Variants in SLC4A10 observed in about 807,000 individuals in gnomAD.
The protein encoded by SLC4A10 is sodium-driven chloride bicarbonate exchanger.
A neutral mutation model predicts 137.7 loss-of-function variants in SLC4A10; 42 were observed. The observed-to-expected ratio is 0.30, with a 90% CI of 0.24 to 0.39. The LOEUF is 0.39. Ranked by LOEUF, SLC4A10 falls within the 10% of genes least tolerant of loss-of-function variation. The pLI is 1.00. For missense variants in SLC4A10, 925 were observed against 1,355.0 expected (o/e 0.68, Z 4.98); for synonymous variants, 474 against 464.1 (o/e 1.02, Z -0.27).
At chr2:161,958,422 A>T in intron 20 of SLC4A10, 65 bp from the exon 21 acceptor site, 4 of 1,388,340 alleles carry the variant, frequency 2.9e-6, no homozygotes, top group Admixed American at 3.7e-5. Context: ...TTTTTCTTTG[A>T]TAAATGCAAA....
intron 10 of SLC4A10, among the ~76,000 whole-genome samples, chr2:161,890,033 A>C (rs2126015706): frequency 6.6e-6 from 1 of 152,164 alleles, no homozygotes; most frequent in South Asian, 2.1e-4. Context: ...TTCTGCTTTA[A>C]TTTCGTTATT....
intron 1 of SLC4A10, among the ~76,000 whole-genome samples, chr2:161,645,144 A>G (rs1034088355): frequency 1.3e-5 from 2 of 152,142 alleles, no homozygotes; most frequent in African/African-American, 4.8e-5. Context: ...AAGGAAATAG[A>G]AAAAAGTGTG....
chr2:161,722,468 G>A (rs908416013), intron 1 of SLC4A10, among the ~76,000 whole-genome samples: 11 of 152,204 alleles, frequency 7.2e-5, no homozygotes, highest in Admixed American at 4.6e-4. Flanking sequence ...TGGTTTGCTG[G>A]GGGTCCTCTC....
intron 3 of SLC4A10, among the ~76,000 whole-genome samples, chr2:161,808,988 A>T (rs970792071): frequency 2.0e-5 from 3 of 152,176 alleles, no homozygotes; most frequent in Non-Finnish European, 4.4e-5. Context: ...ATAAATCTCC[A>T]AACTGCTTTC....
intron 3 of SLC4A10, among the ~76,000 whole-genome samples, chr2:161,823,784 A>G (rs2057816248): frequency 6.6e-6 from 1 of 152,246 alleles, no homozygotes; most frequent in Admixed American, 6.5e-5. Flanking sequence ...AGGTTTTTAA[A>G]GCAGACGAAA....
chr2:161,904,211 C>G (rs1384715757), intron 13 of SLC4A10, 33 bp downstream of exon 13: 11 of 1,548,742 alleles, frequency 7.1e-6, no homozygotes, highest in Non-Finnish European at 9.6e-6. Flanking sequence ...AACTTTGAAA[C>G]ATAATCCATT....
At chr2:161,875,653 C>T (rs1253600689) in intron 8 of SLC4A10, among the ~76,000 whole-genome samples, 3 of 152,140 alleles carry the variant, frequency 2.0e-5, no homozygotes, top group Non-Finnish European at 2.9e-5. Context: ...GTGGTGTTTT[C>T]TTTTACTTCA....
At chr2:161,709,555 T>C (rs2044061748) in intron 1 of SLC4A10, among the ~76,000 whole-genome samples, 1 of 151,602 alleles carries the variant, frequency 6.6e-6, no homozygotes, top group Non-Finnish European at 1.5e-5. Context: ...AGAAAGCTTG[T>C]GACATTTAAG....
chr2:161,876,987 G>A (rs145267616), intron 8 of SLC4A10, among the ~76,000 whole-genome samples: 34 of 151,970 alleles, frequency 2.2e-4, no homozygotes, highest in African/African-American at 8.0e-4. Context: ...TTTAAATTCT[G>A]TATATTTTAA....
At chr2:161,768,020 G>T (rs1271312781) in intron 1 of SLC4A10, among the ~76,000 whole-genome samples, 1 of 151,876 alleles carries the variant, frequency 6.6e-6, no homozygotes, top group African/African-American at 2.4e-5. Flanking sequence ...TGGGCTAGGG[G>T]GAATTTTTAT....
At chr2:161,935,461 C>A (rs952897646) in intron 15 of SLC4A10, among the ~76,000 whole-genome samples, 1 of 152,074 alleles carries the variant, frequency 6.6e-6, no homozygotes, top group Non-Finnish European at 1.5e-5. Context: ...CTGTTGATAG[C>A]TTTTGTTAGT....
intron 6 of SLC4A10, among the ~76,000 whole-genome samples, chr2:161,865,317 T>C (rs951428235): frequency 4.6e-5 from 7 of 152,112 alleles, no homozygotes; most frequent in African/African-American, 1.2e-4. Context: ...AATCTACATA[T>C]AGTCACAAGG....
chr2:161,678,034 A>G (rs574831855), intron 1 of SLC4A10, among the ~76,000 whole-genome samples: 99 of 151,994 alleles, frequency 6.5e-4, no homozygotes, highest in African/African-American at 2.3e-3. Context: ...TTTGCCCATT[A>G]TTTTCACCCA....
At chr2:161,915,550 G>A (rs1240401505) in intron 15 of SLC4A10, among the ~76,000 whole-genome samples, 3 of 152,162 alleles carry the variant, frequency 2.0e-5, no homozygotes, top group Non-Finnish European at 4.4e-5. Context: ...ATAACACACT[G>A]CTGTCTGTGG....
intron 15 of SLC4A10, among the ~76,000 whole-genome samples, chr2:161,934,682 T>C (rs1486235105): frequency 6.6e-6 from 1 of 152,200 alleles, no homozygotes; most frequent in East Asian, 1.9e-4. Flanking sequence ...TAATTTGCAT[T>C]TCTCTGATCA....
chr2:161,941,039 T>C (rs755901322), intron 15 of SLC4A10, among the ~76,000 whole-genome samples: 4 of 152,018 alleles, frequency 2.6e-5, no homozygotes, highest in Non-Finnish European at 4.4e-5. Flanking sequence ...TTGTAAAAAA[T>C]AACAGAACAA....
chr2:161,674,868 A>G (rs2040114672), intron 1 of SLC4A10, among the ~76,000 whole-genome samples: 1 of 152,210 alleles, frequency 6.6e-6, no homozygotes. Context: ...ACAGACATAA[A>G]GAACTAAGGG....
chr2:161,977,056 C>T (rs960059871), intron 25 of SLC4A10, among the ~76,000 whole-genome samples, 180 bp downstream of exon 25: 5 of 151,982 alleles, frequency 3.3e-5, no homozygotes, highest in African/African-American at 4.8e-5. Context: ...TTCATACCAA[C>T]TGTGGTATGG....
chr2:161,895,455 A>T (rs2063375602), intron 11 of SLC4A10, among the ~76,000 whole-genome samples: 1 of 152,084 alleles, frequency 6.6e-6, no homozygotes, highest in Admixed American at 6.6e-5. Context: ...GTCAAATGGT[A>T]TTTCTAGTTC....
Sources: allele counts gnomAD v4.1 joint callset (sites outside exome capture counted in the v4.1 genomes callset), GRCh38; gene constraint gnomAD v4.1.1; transcripts MANE v1.5; gene names NCBI Gene and HGNC (gene_info 2026-07-23, HGNC 2026-07-21).